Variants in ATXN1 observed in about 807,000 individuals in gnomAD.
ATXN1 encodes the protein ataxin-1.
A neutral mutation model predicts 56.4 loss-of-function variants in ATXN1; 8 were observed. The ratio of observed to expected loss-of-function variants is 0.14; its 90% CI spans 0.08 to 0.26. The LOEUF is 0.26. ATXN1 is among the 10% of genes least tolerant of loss of function. The probability of loss-of-function intolerance (pLI) is 1.00; values close to 1 mark genes in which losing one functional copy is unlikely to be tolerated. For missense variants in ATXN1, 987 were observed against 1,106.5 expected (o/e 0.89, Z 1.53); for synonymous variants, 514 against 494.6 (o/e 1.04, Z -0.52).
intron 5 of ATXN1, among the ~76,000 whole-genome samples, chr6:16,504,891 A>C (rs2113677809): frequency 6.6e-6 from 1 of 152,202 alleles, no homozygotes; most frequent in African/African-American, 2.4e-5. Flanking sequence ...CCTGGGGGAA[A>C]GAGCTGCAAC....
At chr6:16,307,028 C>T (rs1435988601) in intron 7 of ATXN1, among the ~76,000 whole-genome samples, 169 bp from the exon 8 acceptor site, 2 of 152,228 alleles carry the variant, frequency 1.3e-5, no homozygotes, top group Non-Finnish European at 2.9e-5. Flanking sequence ...CCCAGCCACA[C>T]ACTATAAATG....
chr6:16,679,276 G>GTGGA (rs10701438), intron 2 of ATXN1, among the ~76,000 whole-genome samples: 33,810 of 137,868 alleles, frequency 0.25, 4,734 homozygotes, highest in Admixed American at 0.32. Context: ...GAGTTAGTGG[G>GTGGA]TGGATGGATG....
chr6:16,573,703 A>G (rs771551242), intron 4 of ATXN1, among the ~76,000 whole-genome samples: 2 of 152,178 alleles, frequency 1.3e-5, no homozygotes, highest in African/African-American at 2.4e-5. Context: ...ATCTCCAGCA[A>G]TGCACATATA....
At chr6:16,360,206 G>C (rs1290308694) in intron 6 of ATXN1, among the ~76,000 whole-genome samples, 1 of 152,150 alleles carries the variant, frequency 6.6e-6, no homozygotes, top group Admixed American at 6.5e-5. Context: ...AGAAGCACCG[G>C]AGAGCTTCTA....
chr6:16,416,317 C>T lies in ATXN1; in HGVS notation c.-161+69655G>A, dbSNP rs190231562. On this transcript the variant is annotated intron_variant, in intron 6 of 7. Coordinates refer to ENST00000436367, the MANE Select transcript of ATXN1 (RefSeq NM_001128164.2). ...TTAATGTAAAATGTAAAATGACTTC[C>T]TCCTAAAAAATCTAAATTAGAGAGA... 7.0e-3 allele frequency among the ~76,000 whole-genome samples: 1,073 copies of T among 152,286 alleles called. 7 individuals carry two copies. The highest frequency in any genetic ancestry group is 8.0e-3 in the Non-Finnish European group (547 of 68,018).
At chr6:16,599,577 G>T (rs578068706) in intron 3 of ATXN1, among the ~76,000 whole-genome samples, 3 of 152,062 alleles carry the variant, frequency 2.0e-5, no homozygotes, top group Admixed American at 2.0e-4. Flanking sequence ...TGGGTATGGT[G>T]GCACGTGCCT....
chr6:16,654,397 A>T (rs893525324), intron 3 of ATXN1, among the ~76,000 whole-genome samples: 1 of 152,130 alleles, frequency 6.6e-6, no homozygotes, highest in Non-Finnish European at 1.5e-5. Context: ...TAGAAAAATT[A>T]GCTGGGCACG....
At position 16,543,834 on chromosome 6, in the gene ATXN1, T is replaced by C. The variant is rs1427952787; in HGVS notation, c.-360-21146A>G. Reference sequence around the variant, plus strand: ...TCCCATAGGGTCACTAAAGATGCTATTTGTTGGCTAGATTTGTCCTGGGAG... The same window carrying C: ...TCCCATAGGGTCACTAAAGATGCTACTTGTTGGCTAGATTTGTCCTGGGAG... On this transcript the variant is annotated intron_variant, in intron 4 of 7. Coordinates refer to ENST00000436367, the MANE Select transcript of ATXN1 (RefSeq NM_001128164.2). 2.6e-5 allele frequency among the ~76,000 whole-genome samples: 4 copies of C among 152,180 alleles called. No homozygotes were observed. In the South Asian group the frequency reaches 8.3e-4, roughly 32 times the overall value.
Position 16,726,971 on chromosome 6 carries a change from G to A in ATXN1, c.-615+26262C>T, listed in dbSNP as rs180677811. 3.8e-3 allele frequency among the ~76,000 whole-genome samples: 576 copies of A among 152,254 alleles called. 2 individuals carry two copies. Among genetic ancestry groups the A allele is most frequent in the Non-Finnish European group, 6.5e-3 (441 of 68,020 alleles). The stretch of plus-strand genomic sequence containing the variant: ...CTGAACATACTACTTTCTGGATCTG[G>A]GCCAGTATGACAAATATTACAAAAG... On this transcript the variant is annotated intron_variant, in intron 2 of 7. Transcript: ENST00000436367.
Position 16,512,183 on chromosome 6 carries a change from C to T in ATXN1, c.-299+10444G>A, listed in dbSNP as rs79072094. Among the ~76,000 whole-genome samples the T allele has an allele frequency of 2.9e-3, 439 of 152,306 alleles. 1 individual carries two copies. Among genetic ancestry groups the T allele is most frequent in the African/African-American group, 9.6e-3 (397 of 41,566 alleles). ...CAGCTCCTCAGAAGTTCTGCCACCA[C>T]GGCAGATATGAAAGGCTTTACCACA... is the stretch of plus-strand genomic sequence containing the variant. On this transcript the variant is annotated intron_variant, in intron 5 of 7. Coordinates refer to ENST00000436367, the MANE Select transcript of ATXN1 (RefSeq NM_001128164.2).
intron 5 of ATXN1, among the ~76,000 whole-genome samples, chr6:16,512,209 T>C (rs571411087): frequency 6.6e-6 from 1 of 152,316 alleles, no homozygotes; most frequent in African/African-American, 2.4e-5. Context: ...CTTTACCACA[T>C]AGTTTTCATA....
At chr6:16,735,742 T>C (rs1422775394) in intron 2 of ATXN1, among the ~76,000 whole-genome samples, 1 of 152,108 alleles carries the variant, frequency 6.6e-6, no homozygotes, top group Non-Finnish European at 1.5e-5. Context: ...GAAGATCCAC[T>C]TAACTCTTTT....
rs574839245 is a variant in ATXN1 at position 16,362,952 on chromosome 6, G to A, written c.-160-34482C>T. On this transcript the variant is annotated intron_variant, in intron 6 of 7. Coordinates refer to ENST00000436367, the MANE Select transcript of ATXN1 (RefSeq NM_001128164.2). Reference sequence around the variant, plus strand: ...CATTTAAGTAAGCACTCTTCTAGTTGCCATGATACCATCTAATTAAATGAG... The same window carrying A: ...CATTTAAGTAAGCACTCTTCTAGTTACCATGATACCATCTAATTAAATGAG... Among the ~76,000 whole-genome samples, 3 of 152,308 alleles carry A rather than the reference G, an allele frequency of 2.0e-5. No individual in the cohort carries two copies. In the East Asian group the frequency reaches 5.8e-4, roughly 29 times the overall value.
At chr6:16,677,410 G>A (rs181991797) in intron 2 of ATXN1, among the ~76,000 whole-genome samples, 46 of 152,246 alleles carry the variant, frequency 3.0e-4, no homozygotes, top group African/African-American at 8.9e-4. Context: ...ATGCTACTGC[G>A]TTTATCTAAT....
chr6:16,530,844 A>G (rs370896714), intron 4 of ATXN1, among the ~76,000 whole-genome samples: 6 of 152,324 alleles, frequency 3.9e-5, no homozygotes, highest in African/African-American at 1.4e-4. Flanking sequence ...ACGGGTGGGT[A>G]TGCGTGTGTG....
chr6:16,350,006 TACA>T (rs1294637190), intron 6 of ATXN1, among the ~76,000 whole-genome samples: 3 of 152,212 alleles, frequency 2.0e-5, no homozygotes, highest in Non-Finnish European at 4.4e-5. Flanking sequence ...CTAGAATCTC[TACA>T]ACATTATAAA....
At chr6:16,451,687 G>A (rs772684860) in intron 6 of ATXN1, among the ~76,000 whole-genome samples, 7 of 151,692 alleles carry the variant, frequency 4.6e-5, no homozygotes, top group East Asian at 1.9e-4. Context: ...CCCAGGAGGC[G>A]GAGGTTGCAG....
intron 2 of ATXN1, among the ~76,000 whole-genome samples, chr6:16,686,899 A>G (rs918558231): frequency 4.6e-5 from 7 of 152,202 alleles, no homozygotes; most frequent in Admixed American, 3.9e-4. Context: ...TTAACTTTAT[A>G]AAGTATTTCA....
intron 6 of ATXN1, among the ~76,000 whole-genome samples, chr6:16,482,694 T>C (rs767728559): frequency 2.6e-5 from 4 of 152,344 alleles, no homozygotes; most frequent in East Asian, 1.9e-4. Flanking sequence ...GCTAAAGCTA[T>C]AGTCTAAGGA....
Sources: gnomAD v4.1 joint callset for allele counts (sites outside exome capture counted in the v4.1 genomes callset) on GRCh38, gnomAD v4.1.1 for gene constraint, MANE v1.5 for transcripts, NCBI Gene and HGNC (gene_info 2026-07-23, HGNC 2026-07-21) for gene names.